The following PPIL6 variants were observed in gnomAD, a reference collection of about 807,000 sequenced individuals.
The protein encoded by PPIL6 is peptidylprolyl isomerase like 6, also known as probable inactive peptidyl-prolyl cis-trans isomerase-like 6.
A neutral mutation model predicts 36.8 loss-of-function variants in PPIL6; 39 were observed. The ratio of observed to expected loss-of-function variants is 1.06; its 90% CI spans 0.82 to 1.38. The LOEUF (loss-of-function observed/expected upper bound fraction) is 1.38. Ranked by LOEUF, PPIL6 falls within the 40% of genes most tolerant of loss-of-function variation. The probability of loss-of-function intolerance (pLI) is 0.00; values close to 1 mark genes in which losing one functional copy is unlikely to be tolerated. For missense variants in PPIL6, 368 were observed against 379.1 expected, an observed-to-expected ratio of 0.97 and a Z score of 0.24; for synonymous variants, 123 against 134.1, an observed-to-expected ratio of 0.92 and a Z score of 0.57.
intron 7 of PPIL6, 33 bp downstream of exon 7, chr6:109,400,002 A>G: frequency 6.6e-7 from 1 of 1,524,692 alleles, no homozygotes; most frequent in East Asian, 2.3e-5. Context: ...TACAGGTGTG[A>G]ATATTATATA....
chr6:109,432,148 T>C (rs1774192372), intron 2 of PPIL6, among the ~76,000 whole-genome samples: 2 of 152,336 alleles, frequency 1.3e-5, no homozygotes, highest in Middle Eastern at 3.4e-3. Context: ...ACTGTGTGCA[T>C]ACTTGGAAAG....
At chr6:109,395,836 T>TC (rs1484916121) in intron 7 of PPIL6, among the ~76,000 whole-genome samples, 1 of 147,474 alleles carries the variant, frequency 6.8e-6, no homozygotes, top group Non-Finnish European at 1.5e-5. Flanking sequence ...GATCTCTTTT[T>TC]TTTTTTTTTT....
At chr6:109,407,041 T>C (rs930944856) in intron 6 of PPIL6, among the ~76,000 whole-genome samples, 3 of 152,236 alleles carry the variant, frequency 2.0e-5, no homozygotes, top group African/African-American at 4.8e-5. Flanking sequence ...CCGTGAGATC[T>C]GGCATCTGCC....
intron 6 of PPIL6, among the ~76,000 whole-genome samples, chr6:109,414,812 C>T (rs1356773522): frequency 6.6e-6 from 1 of 152,104 alleles, no homozygotes; most frequent in African/African-American, 2.4e-5. Context: ...CCACATATAA[C>T]TTTTGACTCC....
In PPIL6 at chr6:109,431,048, T is replaced by A. The variant is rs187363602; in HGVS notation, c.420+109A>T. 7.4e-4 allele frequency: 586 copies of A among 786,866 alleles called. 2 individuals carry two copies. In the African/African-American group the frequency reaches 9.2e-3, roughly 12 times the overall value. 48.7% of individuals were successfully genotyped at this position (786,866 alleles called of 1,614,324 possible). A position where few individuals can be genotyped will look rare whatever the true frequency, so the allele number is the denominator to read the frequency against. Reference sequence around the variant, plus strand: ...AAATGGAACTAGGCTTTAAACTTAGTCTCCTACTTTTTTATAATCTCCTTC... The same window carrying A: ...AAATGGAACTAGGCTTTAAACTTAGACTCCTACTTTTTTATAATCTCCTTC... On this transcript the variant is annotated intron_variant, in intron 3 of 7. Transcript: ENST00000521072.
chr6:109,407,271 G>A (rs1032390068), intron 6 of PPIL6, among the ~76,000 whole-genome samples: 17 of 147,590 alleles, frequency 1.2e-4, no homozygotes, highest in Non-Finnish European at 1.9e-4. Flanking sequence ...ATGGAGTCTC[G>A]CTCTTTCGCC....
intron 6 of PPIL6, among the ~76,000 whole-genome samples, chr6:109,402,538 G>GA (rs911366636): frequency 7.1e-4 from 97 of 137,128 alleles, no homozygotes; most frequent in South Asian, 5.3e-3. Flanking sequence ...TCGGTCTCAA[G>GA]AAAAAAAAAA....
intron 6 of PPIL6, among the ~76,000 whole-genome samples, chr6:109,401,386 AT>A (rs750373096): frequency 2.0e-4 from 30 of 152,202 alleles, no homozygotes; most frequent in Non-Finnish European, 8.8e-5. Context: ...GAATTTTTTC[AT>A]TCAATAACTT....
chr6:109,404,889 TAAAAATACAAAAAA>T (rs1772729532), intron 6 of PPIL6: 2 of 207,830 alleles, frequency 9.6e-6, no homozygotes, highest in Non-Finnish European at 2.0e-5. Flanking sequence ...CCGTCTCTAC[TAAAAATACAAAAAA>T]ATTAGCTGAG....
At position 109,390,851 on chromosome 6, in the gene PPIL6, G is replaced by GA. The variant is rs1170376378; in HGVS notation, c.*1974dup. The GA allele has an allele frequency of 6.6e-6, 1 of 152,136 alleles. No individual in the cohort carries two copies. The highest frequency in any genetic ancestry group is 1.5e-5 in the Non-Finnish European group (1 of 68,024). The allele number at this position is 152,136 out of a possible 1,614,324, so 9.4% of individuals were successfully genotyped here. A position where few individuals can be genotyped will look rare whatever the true frequency, so the allele number is the denominator to read the frequency against. On this transcript the variant is annotated 3_prime_UTR_variant, in exon 8 of 8. Coordinates refer to ENST00000521072, the MANE Select transcript of PPIL6 (RefSeq NM_173672.5). Reference sequence around the variant, plus strand: ...CTGTACTATTTTTGCAACTTCCTGTGAATCTATATTTCAAAATAAAAAGTT... The same window carrying GA: ...CTGTACTATTTTTGCAACTTCCTGTGAAATCTATATTTCAAAATAAAAAGTT...
At position 109,422,707 on chromosome 6, in the gene PPIL6, G is replaced by T. The variant is rs115319167; in HGVS notation, c.632-3464C>A. ...AAATGCACACTTGATTAGAACCCTA[G>T]TAGTTAGAAAAACACAGAAAAGTTC... is the stretch of plus-strand genomic sequence containing the variant. On this transcript the variant is annotated intron_variant, in intron 5 of 7. Transcript: ENST00000521072. Among the ~76,000 whole-genome samples, 793 of 152,256 alleles carry T rather than the reference G, an allele frequency of 5.2e-3. 7 individuals are homozygous for T. The highest frequency in any genetic ancestry group is 0.018 in the African/African-American group (757 of 41,548).
At chr6:109,440,836 C>A (rs1323235817), upstream of PPIL6, 1 of 415,102 alleles carries the variant, frequency 2.4e-6, no homozygotes, top group Non-Finnish European at 4.2e-6. Context: ...GCTCTCCGGA[C>A]CCCCAGGGTC....
intron 6 of PPIL6, among the ~76,000 whole-genome samples, chr6:109,406,469 G>C (rs1772803797): frequency 6.6e-6 from 1 of 152,162 alleles, no homozygotes; most frequent in South Asian, 2.1e-4. Context: ...TTGGTAGTGT[G>C]TTCTTTCAAC....
intron 6 of PPIL6, among the ~76,000 whole-genome samples, chr6:109,407,896 C>G (rs1202556638): frequency 6.6e-6 from 1 of 152,046 alleles, no homozygotes; most frequent in African/African-American, 2.4e-5. Context: ...TGGGCTCAAG[C>G]AATTCTCCTG....
intron 1 of PPIL6, among the ~76,000 whole-genome samples, chr6:109,438,310 G>A (rs184343633): frequency 2.3e-4 from 35 of 151,884 alleles, no homozygotes; most frequent in Non-Finnish European, 4.1e-4. Context: ...GGGCATCACC[G>A]TGGCCCATGC....
chr6:109,434,241 G>A (rs1244918984), intron 2 of PPIL6, among the ~76,000 whole-genome samples: 5 of 152,084 alleles, frequency 3.3e-5, no homozygotes, highest in African/African-American at 1.2e-4. Context: ...TTTGTCACCC[G>A]AGTTGTTGGA....
intron 1 of PPIL6, 157 bp downstream of exon 1, chr6:109,440,299 C>G (rs1351813932): frequency 3.1e-6 from 3 of 967,608 alleles, no homozygotes; most frequent in Non-Finnish European, 3.1e-6. Context: ...TCCCGGTCCT[C>G]CAGACGGAGC....
chr6:109,436,171 A>G lies in PPIL6; in HGVS notation c.164T>C (p.Phe55Ser), dbSNP rs1774436200. The change falls in exon 2 of 8, where the codon TTT (phenylalanine) becomes TCT (serine). Residue 55 changes from phenylalanine to serine, a missense_variant. Coordinates refer to ENST00000521072, the MANE Select transcript of PPIL6 (RefSeq NM_173672.5). ...AAGAGGAACTAATATAGGATCTTCA[A>G]ATTTGGATGGATGATTATTCTTCAG... ...ENLKNNHPSK[F>S]EDPILVPLQE... 1 of 1,569,696 alleles carries G rather than the reference A, an allele frequency of 6.4e-7. No individual in the cohort carries two copies. Among genetic ancestry groups the G allele is most frequent in the African/African-American group, 1.3e-5 (1 of 74,162 alleles).
intron 1 of PPIL6, among the ~76,000 whole-genome samples, chr6:109,438,396 G>A (rs1360418234): frequency 2.0e-5 from 3 of 150,934 alleles, no homozygotes; most frequent in African/African-American, 7.3e-5. Context: ...AGGCAACACA[G>A]TGAGACCCCC....
Sources: allele counts gnomAD v4.1 joint callset (sites outside exome capture counted in the v4.1 genomes callset), GRCh38; gene constraint gnomAD v4.1.1; transcripts MANE v1.5; gene names NCBI Gene and HGNC (gene_info 2026-07-23, HGNC 2026-07-21).